Variants in CPNE8 observed in about 807,000 individuals in gnomAD.
CPNE8 encodes the protein copine 8.
CPNE8 carries 45 observed loss-of-function variants against 81.5 expected under a neutral mutation model. The observed-to-expected ratio is 0.55, with a 90% CI of 0.44 to 0.71. CPNE8 has a LOEUF of 0.71. CPNE8 is among the 30% of genes least tolerant of loss of function. The probability of loss-of-function intolerance (pLI) is 0.00; values close to 1 mark genes in which losing one functional copy is unlikely to be tolerated. For missense variants in CPNE8, 594 were observed against 672.1 expected (o/e 0.88, Z 1.28); for synonymous variants, 252 against 226.3 (o/e 1.11, Z -1.02).
At chr12:38,886,521 A>C (rs1014635856) in intron 1 of CPNE8, among the ~76,000 whole-genome samples, 1 of 152,314 alleles carries the variant, frequency 6.6e-6, no homozygotes, top group East Asian at 1.9e-4. Context: ...ATATTCATTC[A>C]TGCTTTCTTT....
At chr12:38,713,671 T>G (rs570474853) in intron 13 of CPNE8, among the ~76,000 whole-genome samples, 7 of 152,216 alleles carry the variant, frequency 4.6e-5, no homozygotes, top group Non-Finnish European at 1.0e-4. Context: ...CTAATTAGTC[T>G]GTATTTATTC....
chr12:38,785,981 A>G lies in CPNE8; in HGVS notation c.408-9680T>C, dbSNP rs1023263176. 3.3e-5 allele frequency among the ~76,000 whole-genome samples: 5 copies of G among 152,178 alleles called. No individual in the cohort carries two copies. The South Asian group carries it at 8.3e-4, about 25-fold the overall frequency. ...AGAGAAAATCACCTTCAACAAATGG[A>G]AGAAGGAAGGAAAGAAAGAAGAGAA... On this transcript the variant is annotated intron_variant, in intron 6 of 19. Coordinates refer to ENST00000331366, the MANE Select transcript of CPNE8 (RefSeq NM_153634.3).
chr12:38,844,974 T>C (rs1360330277), intron 4 of CPNE8, among the ~76,000 whole-genome samples: 4 of 152,182 alleles, frequency 2.6e-5, no homozygotes, highest in East Asian at 3.9e-4. Context: ...ACAGTGAAAA[T>C]TGATCACACA....
rs1397094681 is a variant in CPNE8 at position 38,890,927 on chromosome 12, TA to T, written c.98+14509del. On this transcript the variant is annotated intron_variant, in intron 1 of 19. Coordinates refer to ENST00000331366, the MANE Select transcript of CPNE8 (RefSeq NM_153634.3). ...TATATATATATGTATATATATAAAA[TA>T]TTTTTTTTGAGAGAGAGAGAAAGAG... Among the ~76,000 whole-genome samples the T allele has an allele frequency of 4.7e-5, 7 of 149,590 alleles. No individual in the cohort carries two copies. The East Asian group carries it at 9.7e-4, about 21-fold the overall frequency.
At chr12:38,852,894 T>C (rs186871337) in intron 3 of CPNE8, among the ~76,000 whole-genome samples, 1 of 152,232 alleles carries the variant, frequency 6.6e-6, no homozygotes, top group Admixed American at 6.5e-5. Flanking sequence ...TGTACCAGAA[T>C]GTAATGATTA....
chr12:38,799,261 C>T (rs556797981), intron 6 of CPNE8, among the ~76,000 whole-genome samples: 13 of 151,934 alleles, frequency 8.6e-5, no homozygotes, highest in African/African-American at 3.1e-4. Flanking sequence ...TTTCAGCACA[C>T]CACACCTATT....
rs185300620 is a variant in CPNE8 at position 38,883,322 on chromosome 12, A to G, written c.99-8811T>C. 9.3e-3 allele frequency among the ~76,000 whole-genome samples: 1,412 copies of G among 152,338 alleles called. 18 individuals are homozygous for G. The highest frequency in any genetic ancestry group is 0.039 in the South Asian group (186 of 4,828). On this transcript the variant is annotated intron_variant, in intron 1 of 19. Coordinates refer to ENST00000331366, the MANE Select transcript of CPNE8 (RefSeq NM_153634.3). ...ACTATTCATCTATATCATTCAGAAC[A>G]AAATGAAATGAGCTGCAAATAATGT...
At chr12:38,824,576 C>CAA (rs5797596) in intron 6 of CPNE8, among the ~76,000 whole-genome samples, 57 of 141,988 alleles carry the variant, frequency 4.0e-4, no homozygotes, top group Middle Eastern at 3.5e-3. Context: ...GGAAAGAAAG[C>CAA]AAAAAAAAAA....
intron 13 of CPNE8, among the ~76,000 whole-genome samples, chr12:38,717,843 G>C (rs1384899552): frequency 6.6e-6 from 1 of 151,672 alleles, no homozygotes; most frequent in African/African-American, 2.4e-5. Context: ...GAAAAAAAAA[G>C]TTCCCTGAAT....
At chr12:38,700,509 G>A (rs1020358740) in intron 14 of CPNE8, among the ~76,000 whole-genome samples, 1 of 151,734 alleles carries the variant, frequency 6.6e-6, no homozygotes, top group African/African-American at 2.4e-5. Context: ...ACAGGCGTGA[G>A]CCACTGAGCC....
chr12:38,762,164 A>G lies in CPNE8; in HGVS notation c.628T>C (p.Trp210Arg). 2 of 1,606,184 alleles carry G rather than the reference A, an allele frequency of 1.2e-6. No individual in the cohort carries two copies. Among genetic ancestry groups the G allele is most frequent in the Non-Finnish European group, 1.7e-6 (2 of 1,175,992 alleles). Residue 210 changes from tryptophan (W) to arginine (R), a missense_variant, in exon 9 of 20, where the codon TGG (tryptophan) becomes CGG (arginine). Physicochemically the swap from Trp to Arg is moderately radical, Grantham distance 101. Coordinates refer to ENST00000331366, the MANE Select transcript of CPNE8 (RefSeq NM_153634.3). Reference sequence around the variant, plus strand: ...CTGACTGAGATCTTGAATGCTTGCCATACTGGATTTAGAGTGTTTTTGACA... The same window carrying G: ...CTGACTGAGATCTTGAATGCTTGCCGTACTGGATTTAGAGTGTTTTTGACA... The part of the protein sequence containing the change: ...EVVKNTLNPV[W>R]QAFKISVRAL...
At chr12:38,828,109 G>A (rs1466554072) in intron 6 of CPNE8, among the ~76,000 whole-genome samples, 1 of 152,096 alleles carries the variant, frequency 6.6e-6, no homozygotes, top group Non-Finnish European at 1.5e-5. Flanking sequence ...TCTTTAAGGT[G>A]GTATTGCATA....
chr12:38,882,874 G>A (rs537627714), intron 1 of CPNE8, among the ~76,000 whole-genome samples: 1 of 152,022 alleles, frequency 6.6e-6, no homozygotes, highest in Non-Finnish European at 1.5e-5. Flanking sequence ...ACACTTAGAC[G>A]TTTTACCCAT....
chr12:38,707,126 C>A (rs1490911106), intron 13 of CPNE8, among the ~76,000 whole-genome samples: 1 of 152,016 alleles, frequency 6.6e-6, no homozygotes, highest in African/African-American at 2.4e-5. Flanking sequence ...CCAGCCTGGG[C>A]AACATACTGA....
chr12:38,834,010 G>T (rs1943342145), intron 5 of CPNE8, among the ~76,000 whole-genome samples: 2 of 152,100 alleles, frequency 1.3e-5, no homozygotes, highest in African/African-American at 4.8e-5. Context: ...GTTAGAGCAG[G>T]GTGAGCAATG....
chr12:38,797,024 A>G (rs1942498198), intron 6 of CPNE8, among the ~76,000 whole-genome samples: 3 of 152,212 alleles, frequency 2.0e-5, no homozygotes, highest in Admixed American at 6.5e-5. Context: ...AGGCTTGCTT[A>G]GGTAAACAAA....
At chr12:38,789,154 A>G (rs148176302) in intron 6 of CPNE8, among the ~76,000 whole-genome samples, 12,163 of 152,028 alleles carry the variant, frequency 0.08, 622 homozygotes, top group East Asian at 0.28. Flanking sequence ...AACTATCCTA[A>G]GCAAAAAGAA....
At chr12:38,734,762 T>A (rs1940914824) in intron 10 of CPNE8, among the ~76,000 whole-genome samples, 1 of 152,064 alleles carries the variant, frequency 6.6e-6, no homozygotes, top group Middle Eastern at 3.2e-3. Context: ...ACTTCTAGAA[T>A]ACAATCTAAT....
intron 6 of CPNE8, among the ~76,000 whole-genome samples, chr12:38,821,163 A>T (rs1374383798): frequency 6.6e-6 from 1 of 152,216 alleles, no homozygotes; most frequent in Non-Finnish European, 1.5e-5. Context: ...TTGTAGGTTA[A>T]GCTAATATTC....
Sources: gnomAD v4.1 joint callset for allele counts (sites outside exome capture counted in the v4.1 genomes callset) on GRCh38, gnomAD v4.1.1 for gene constraint, MANE v1.5 for transcripts, NCBI Gene and HGNC (gene_info 2026-07-23, HGNC 2026-07-21) for gene names.